The following PDE1A variants were observed in gnomAD, a reference collection of about 807,000 sequenced individuals.
The protein encoded by PDE1A is dual specificity calcium/calmodulin-dependent 3',5'-cyclic nucleotide phosphodiesterase 1A.
A neutral mutation model predicts 61.7 loss-of-function variants in PDE1A; 35 were observed. That is an observed-to-expected ratio of 0.57 (90% confidence interval 0.43 to 0.75). The LOEUF (loss-of-function observed/expected upper bound fraction) is 0.75, where lower values mean the gene tolerates loss of function less well. PDE1A is among the 30% of genes least tolerant of loss of function. PDE1A has a pLI of 0.00. For synonymous variants in PDE1A, 232 were observed against 213.2 expected, an observed-to-expected ratio of 1.09 and a Z score of -0.77; for missense variants, 597 against 630.6, an observed-to-expected ratio of 0.95 and a Z score of 0.57.
chr2:182,272,378 A>AT (rs1693091715), intron 1 of PDE1A, among the ~76,000 whole-genome samples: 1 of 152,176 alleles, frequency 6.6e-6, no homozygotes, highest in Non-Finnish European at 1.5e-5. Flanking sequence ...GCATATTTTC[A>AT]TTTTTTCACT....
At chr2:182,314,121 A>G (rs1470357838) in intron 1 of PDE1A, among the ~76,000 whole-genome samples, 1 of 152,246 alleles carries the variant, frequency 6.6e-6, no homozygotes, top group South Asian at 2.1e-4. Context: ...TAGCCAGACT[A>G]AAAGCAAACC....
the PDE1A span, among the ~76,000 whole-genome samples, chr2:182,577,929 A>AATGGAAGG: frequency 4.9e-5 from 4 of 81,218 alleles, no homozygotes; most frequent in African/African-American, 2.2e-4. Flanking sequence ...AAAGAAAGAA[A>AATGGAAGG]ACGGAAGGAA....
chr2:182,264,128 T>C (rs1198047325), intron 2 of PDE1A, among the ~76,000 whole-genome samples, 173 bp downstream of exon 2: 1 of 152,156 alleles, frequency 6.6e-6, no homozygotes, highest in Non-Finnish European at 1.5e-5. Context: ...TAGAGAATCA[T>C]AGTCCAGTTA....
At chr2:182,195,727 A>G (rs140319035) in intron 10 of PDE1A, among the ~76,000 whole-genome samples, 18 of 152,202 alleles carry the variant, frequency 1.2e-4, no homozygotes, top group African/African-American at 4.1e-4. Flanking sequence ...TGCTGTTTTC[A>G]CTGTCCGAGA....
chr2:182,686,552 G>A, the PDE1A span, among the ~76,000 whole-genome samples: 1 of 152,190 alleles, frequency 6.6e-6, no homozygotes, highest in Non-Finnish European at 1.5e-5. Flanking sequence ...TTGACAGGCG[G>A]TTCCAAGATG....
chr2:182,440,248 T>C (rs1464913048), intron 2 of PDE1A, among the ~76,000 whole-genome samples: 2 of 152,102 alleles, frequency 1.3e-5, no homozygotes, highest in Non-Finnish European at 2.9e-5. Context: ...CTGATTTCTA[T>C]AGAAACTCAC....
chr2:182,564,224 T>G, the PDE1A span, among the ~76,000 whole-genome samples: 1 of 152,198 alleles, frequency 6.6e-6, no homozygotes, highest in Non-Finnish European at 1.5e-5. Flanking sequence ...AGTGCTTCCT[T>G]CAGGAGCTCT....
At chr2:182,185,906 T>A in exon 13 of PDE1A, 1 of 1,613,964 alleles carries the variant, frequency 6.2e-7, no homozygotes. Context: ...TGCAGCTAAC[T>A]CTTTCCACCT....
At chr2:182,663,720 A>G in the PDE1A span, among the ~76,000 whole-genome samples, 1 of 152,056 alleles carries the variant, frequency 6.6e-6, no homozygotes, top group East Asian at 1.9e-4. Context: ...ATAACTAATG[A>G]GTACCAGGCT....
chr2:182,470,724 C>G (rs2125804700), intron 2 of PDE1A, among the ~76,000 whole-genome samples: 1 of 151,846 alleles, frequency 6.6e-6, no homozygotes, highest in East Asian at 1.9e-4. Context: ...ATGCAAGAGA[C>G]AGTATGCACT....
chr2:182,186,429 A>T, intron 12 of PDE1A, 39 bp downstream of exon 12: 1 of 1,602,084 alleles, frequency 6.2e-7, no homozygotes, highest in East Asian at 2.2e-5. Flanking sequence ...ACTAAACACC[A>T]CAAAGATGAA....
intron 1 of PDE1A, among the ~76,000 whole-genome samples, chr2:182,384,276 A>G (rs1700898686): frequency 6.6e-6 from 1 of 152,206 alleles, no homozygotes; most frequent in Non-Finnish European, 1.5e-5. Context: ...AGGAAACATC[A>G]TCAAACAGAC....
intron 9 of PDE1A, 24 bp downstream of exon 9, chr2:182,201,661 AAAC>A (rs759014792): frequency 3.2e-6 from 5 of 1,555,356 alleles, no homozygotes; most frequent in Non-Finnish European, 3.5e-6. Context: ...AAAAAAAAAA[AAAC>A]AACAAAAAAA....
At chr2:182,243,289 A>G (rs952023533) in intron 2 of PDE1A, among the ~76,000 whole-genome samples, 128 of 152,342 alleles carry the variant, frequency 8.4e-4, no homozygotes, top group African/African-American at 3.0e-3. Context: ...TAAAATAAGA[A>G]TTATGATATA....
chr2:182,325,107 T>C (rs563566298), intron 1 of PDE1A, among the ~76,000 whole-genome samples: 2 of 152,312 alleles, frequency 1.3e-5, no homozygotes, highest in South Asian at 4.1e-4. Context: ...TACATTTGAC[T>C]AGTCAACAGG....
chr2:182,387,902 T>C (rs1207280170), intron 1 of PDE1A, among the ~76,000 whole-genome samples: 2 of 152,156 alleles, frequency 1.3e-5, no homozygotes, highest in East Asian at 1.9e-4. Context: ...AATGGTTGAA[T>C]GGATAAAAAA....
chr2:182,648,511 CAAAAAA>C, the PDE1A span, among the ~76,000 whole-genome samples: 1,737 of 76,274 alleles, frequency 0.023, 24 homozygotes, highest in Middle Eastern at 0.062. Context: ...CCTGTCCCCA[CAAAAAA>C]AAAAAAAAAA....
the PDE1A span, among the ~76,000 whole-genome samples, chr2:182,696,048 T>A: frequency 6.6e-6 from 1 of 152,198 alleles, no homozygotes; most frequent in South Asian, 2.1e-4. Context: ...TGGAAGACAG[T>A]TTGGCAGTTT....
At chr2:182,229,922 A>G (rs533725210) in intron 6 of PDE1A, 84 bp downstream of exon 6, 1 of 1,014,818 alleles carries the variant, frequency 9.9e-7, no homozygotes, top group Non-Finnish European at 1.5e-6. Flanking sequence ...CTCTATGGGC[A>G]TTAAAGAGAC....
Sources: gnomAD v4.1 joint callset for allele counts (sites outside exome capture counted in the v4.1 genomes callset) on GRCh38, gnomAD v4.1.1 for gene constraint, MANE v1.5 for transcripts, NCBI Gene and HGNC (gene_info 2026-07-23, HGNC 2026-07-21) for gene names.